MACROD2: variants seen among roughly 807,000 people sequenced by gnomAD.
The protein encoded by MACROD2 is mono-ADP ribosylhydrolase 2, also known as ADP-ribose glycohydrolase MACROD2.
MACROD2 carries 36 observed loss-of-function variants against 70.4 expected under a neutral mutation model. That is an observed-to-expected ratio of 0.51 (90% CI 0.39 to 0.68). The LOEUF (loss-of-function observed/expected upper bound fraction) is 0.68. Ranked by LOEUF, MACROD2 falls within the 30% of genes least tolerant of loss-of-function variation. MACROD2 has a pLI of 0.00. For synonymous variants in MACROD2, 172 were observed against 178.8 expected (o/e 0.96, Z 0.30); for missense variants, 496 against 538.4 (o/e 0.92, Z 0.78).
intron 8 of MACROD2, among the ~76,000 whole-genome samples, chr20:15,746,794 AAGAGCTGAGCCAGACTG>A (rs1402073199): frequency 6.6e-6 from 1 of 152,048 alleles, no homozygotes; most frequent in East Asian, 1.9e-4. Context: ...TGAACTTGTG[AAGAGCTGAGCCAGACTG>A]AGAGCTGAGC....
chr20:14,951,548 A>G (rs2074476392), intron 5 of MACROD2, among the ~76,000 whole-genome samples: 1 of 152,114 alleles, frequency 6.6e-6, no homozygotes, highest in Non-Finnish European at 1.5e-5. Context: ...TGGCACCTGT[A>G]CCACATATTT....
intron 2 of MACROD2, among the ~76,000 whole-genome samples, chr20:14,079,358 G>A (rs1367723475): frequency 6.6e-6 from 1 of 152,208 alleles, no homozygotes; most frequent in African/African-American, 2.4e-5. Flanking sequence ...AACTGCTAAC[G>A]CAGGATAAAG....
intron 5 of MACROD2, among the ~76,000 whole-genome samples, chr20:15,225,904 G>A (rs1166142285): frequency 6.6e-6 from 1 of 152,184 alleles, no homozygotes; most frequent in Non-Finnish European, 1.5e-5. Context: ...GAATAGAACT[G>A]CTGGATCAAA....
At chr20:15,452,998 G>A (rs2046663615) in intron 7 of MACROD2, among the ~76,000 whole-genome samples, 1 of 152,130 alleles carries the variant, frequency 6.6e-6, no homozygotes, top group South Asian at 2.1e-4. Flanking sequence ...GAGGATTTGA[G>A]GTCCAAATTA....
At chr20:14,174,397 A>AG (rs1182528650) in intron 3 of MACROD2, among the ~76,000 whole-genome samples, 1 of 152,050 alleles carries the variant, frequency 6.6e-6, no homozygotes, top group Non-Finnish European at 1.5e-5. Flanking sequence ...TTATGTTCCT[A>AG]GGGGGATTAT....
At chr20:14,861,735 A>G (rs2073319936) in intron 5 of MACROD2, among the ~76,000 whole-genome samples, 1 of 150,964 alleles carries the variant, frequency 6.6e-6, no homozygotes, top group African/African-American at 2.4e-5. Context: ...TAACTCACTC[A>G]TGCCATCTTG....
chr20:14,068,943 T>C (rs2148659897), intron 2 of MACROD2, among the ~76,000 whole-genome samples: 1 of 151,820 alleles, frequency 6.6e-6, no homozygotes, highest in Non-Finnish European at 1.5e-5. Context: ...AATGGCTTTT[T>C]TTTGTTTTGT....
At chr20:15,181,985 AACTT>A (rs1170398084) in intron 5 of MACROD2, among the ~76,000 whole-genome samples, 2 of 149,972 alleles carry the variant, frequency 1.3e-5, no homozygotes, top group Non-Finnish European at 2.9e-5. Flanking sequence ...AAAAAAAAAA[AACTT>A]ATGACAAAAT....
chr20:14,299,944 G>T (rs1391751761), intron 3 of MACROD2, among the ~76,000 whole-genome samples: 1 of 151,942 alleles, frequency 6.6e-6, no homozygotes, highest in East Asian at 1.9e-4. Flanking sequence ...ATTCCAAGAA[G>T]CTCGATAGAA....
chr20:15,478,825 G>C (rs1406601961), intron 7 of MACROD2, among the ~76,000 whole-genome samples: 1 of 152,164 alleles, frequency 6.6e-6, no homozygotes, highest in Admixed American at 6.5e-5. Flanking sequence ...AGAGACTCTG[G>C]AGATGCTATG....
At chr20:15,767,983 A>G (rs1177984104) in intron 8 of MACROD2, among the ~76,000 whole-genome samples, 1 of 152,110 alleles carries the variant, frequency 6.6e-6, no homozygotes, top group Non-Finnish European at 1.5e-5. Flanking sequence ...ATGACCAACC[A>G]TTATTTATAA....
chr20:15,255,274 C>G (rs1399806575), intron 6 of MACROD2, among the ~76,000 whole-genome samples: 1 of 151,878 alleles, frequency 6.6e-6, no homozygotes, highest in African/African-American at 2.4e-5. Context: ...TATCATTGAC[C>G]TAGTCTGTTA....
chr20:14,669,199 T>C (rs1356332564), intron 4 of MACROD2, among the ~76,000 whole-genome samples: 2 of 152,156 alleles, frequency 1.3e-5, no homozygotes, highest in East Asian at 1.9e-4. Context: ...ACGGGCTTCT[T>C]GTTTGCCATC....
chr20:15,780,068 C>T (rs1213499587), intron 8 of MACROD2, among the ~76,000 whole-genome samples: 2 of 152,000 alleles, frequency 1.3e-5, no homozygotes, highest in Admixed American at 1.3e-4. Context: ...TCTGTCTTCT[C>T]AGGGAATTGC....
intron 4 of MACROD2, among the ~76,000 whole-genome samples, chr20:14,579,408 TGGGATTACA>T: frequency 6.6e-6 from 1 of 152,266 alleles, no homozygotes; most frequent in Admixed American, 6.5e-5. Flanking sequence ...CCCAAAGTGC[TGGGATTACA>T]GGCGTGAGCC....
chr20:15,046,822 A>G (rs1187267413), intron 5 of MACROD2, among the ~76,000 whole-genome samples: 1 of 152,186 alleles, frequency 6.6e-6, no homozygotes, highest in Non-Finnish European at 1.5e-5. Flanking sequence ...TGTAGCTATT[A>G]TACCTCATAA....
chr20:15,737,199 G>T (rs6079952), intron 8 of MACROD2, among the ~76,000 whole-genome samples: 125,973 of 151,654 alleles, frequency 0.83, 52,667 homozygotes, highest in Middle Eastern at 0.9. Flanking sequence ...GATAAAGTGT[G>T]TGCTTTTAGA....
At chr20:15,252,891 T>A (rs749838972) in intron 6 of MACROD2, among the ~76,000 whole-genome samples, 1 of 152,162 alleles carries the variant, frequency 6.6e-6, no homozygotes, top group Non-Finnish European at 1.5e-5. Flanking sequence ...GAGCCTGGCT[T>A]GCATCATGGC....
intron 5 of MACROD2, among the ~76,000 whole-genome samples, chr20:14,921,667 A>G (rs941518129): frequency 6.6e-6 from 1 of 152,184 alleles, no homozygotes; most frequent in African/African-American, 2.4e-5. Context: ...CATATCCAGA[A>G]TATTTTGCAG....
Sources: gnomAD v4.1 joint callset for allele counts (sites outside exome capture counted in the v4.1 genomes callset) on GRCh38, gnomAD v4.1.1 for gene constraint, MANE v1.5 for transcripts, NCBI Gene and HGNC (gene_info 2026-07-23, HGNC 2026-07-21) for gene names.